Variants in UBAC1 observed in about 807,000 individuals in gnomAD.
The protein encoded by UBAC1 is UBA domain containing 1.
A neutral mutation model predicts 45.9 loss-of-function variants in UBAC1; 27 were observed. That is an observed-to-expected ratio of 0.59 (90% confidence interval 0.43 to 0.81). The LOEUF is 0.81. Ranked by LOEUF, UBAC1 falls within the 30% of genes least tolerant of loss-of-function variation. UBAC1 has a pLI of 0.00. For missense variants in UBAC1, 529 were observed against 539.2 expected, an observed-to-expected ratio of 0.98 and a Z score of 0.19; for synonymous variants, 227 against 215.5, an observed-to-expected ratio of 1.05 and a Z score of -0.47.
intron 9 of UBAC1, among the ~76,000 whole-genome samples, chr9:135,935,309 T>A (rs1839190264): frequency 2.6e-5 from 4 of 152,162 alleles, no homozygotes. Context: ...GTGCCTAATA[T>A]CCAAGAAGCT....
chr9:135,952,546 C>T (rs886192143), intron 3 of UBAC1, among the ~76,000 whole-genome samples: 13 of 152,208 alleles, frequency 8.5e-5, no homozygotes, highest in Non-Finnish European at 1.8e-4. Flanking sequence ...ACACACTGCA[C>T]GGTGTTCCTA....
At chr9:135,943,490 C>T (rs1331435247) in intron 7 of UBAC1, among the ~76,000 whole-genome samples, 1 of 152,186 alleles carries the variant, frequency 6.6e-6, no homozygotes. Context: ...GAAATAGGAA[C>T]GCTTTTACAT....
chr9:135,952,729 A>G (rs930766344), intron 3 of UBAC1, among the ~76,000 whole-genome samples: 1 of 152,276 alleles, frequency 6.6e-6, no homozygotes, highest in South Asian at 2.1e-4. Context: ...GCCCGGGACC[A>G]GAACTGTTTC....
intron 9 of UBAC1, among the ~76,000 whole-genome samples, chr9:135,934,031 A>G (rs553046326): frequency 1.3e-5 from 2 of 152,388 alleles, no homozygotes; most frequent in East Asian, 1.9e-4. Flanking sequence ...TAACAGCTTT[A>G]CAAAACTGTT....
Position 135,945,991 on chromosome 9 carries a change from A to C in UBAC1, c.551T>G (p.Leu184Arg). 1 of 1,613,650 alleles carries C rather than the reference A, an allele frequency of 6.2e-7. No homozygotes were observed. The highest frequency in any genetic ancestry group is 8.5e-7 in the Non-Finnish European group (1 of 1,179,990). Residue 184 changes from leucine to arginine, a missense_variant, in exon 6 of 10, where the codon CTG (leucine) becomes CGG (arginine). Transcript: ENST00000371756. ...VELFKKANAM[L>R]DEDEDERVDE... Reference sequence around the variant, plus strand: ...CACACGCTCATCCTCGTCCTCGTCCAGCATTGCTGCAGGGAGACGACAGGG... The same window carrying C: ...CACACGCTCATCCTCGTCCTCGTCCCGCATTGCTGCAGGGAGACGACAGGG...
At chr9:135,954,795 A>C (rs181939743) in intron 2 of UBAC1, among the ~76,000 whole-genome samples, 1 of 152,236 alleles carries the variant, frequency 6.6e-6, no homozygotes, top group Non-Finnish European at 1.5e-5. Flanking sequence ...ATCTCAGCGG[A>C]TATCTGTTAG....
chr9:135,955,184 G>T (rs537346361), intron 2 of UBAC1, 111 bp downstream of exon 2: 1 of 1,144,902 alleles, frequency 8.7e-7, no homozygotes, highest in African/African-American at 1.6e-5. Flanking sequence ...TTTTGTGCTC[G>T]TGTCCAGCTC....
intron 4 of UBAC1, chr9:135,947,555 G>T (rs956639766): frequency 9.3e-6 from 4 of 431,388 alleles, no homozygotes; most frequent in Non-Finnish European, 1.6e-5. Context: ...CCGGATTGAC[G>T]TTTTCCCAGG....
chr9:135,948,177 C>T (rs1588534033), intron 3 of UBAC1: 3 of 382,542 alleles, frequency 7.8e-6, no homozygotes, highest in Non-Finnish European at 1.4e-5. Flanking sequence ...GACAACCACA[C>T]AGGGACCGTG....
chr9:135,961,109 G>A lies in UBAC1; in HGVS notation c.54C>T (p.Ile18=). The A allele has an allele frequency of 6.3e-7, 1 of 1,591,400 alleles. No individual in the cohort carries two copies. The highest frequency in any genetic ancestry group is 8.5e-7 in the Non-Finnish European group (1 of 1,173,704). Reference sequence around the variant, plus strand: ...GCCACTCGGCGCCGTCGGACGCGCAGATGTGCAGCCGCAGCACCTTGCCCG... The same window carrying A: ...GCCACTCGGCGCCGTCGGACGCGCAAATGTGCAGCCGCAGCACCTTGCCCG... ...IFAGKVLRLH[I]CASDGAEWLE... Residue 18 remains isoleucine (I), a synonymous_variant, in exon 1 of 10, where the codon ATC becomes ATT. Coordinates refer to ENST00000371756, the MANE Select transcript of UBAC1 (RefSeq NM_016172.3).
At chr9:135,958,999 T>C (rs142629108) in intron 1 of UBAC1, among the ~76,000 whole-genome samples, 1,651 of 152,326 alleles carry the variant, frequency 0.011, 10 homozygotes, top group Middle Eastern at 0.085. Flanking sequence ...ATCAGGAGTA[T>C]AATAATTAGC....
At chr9:135,951,820 A>G (rs1348613424) in intron 3 of UBAC1, among the ~76,000 whole-genome samples, 26 of 152,106 alleles carry the variant, frequency 1.7e-4, no homozygotes, top group Admixed American at 1.7e-3. Flanking sequence ...CAAAAATAAT[A>G]AAATAATAAT....
At chr9:135,933,576 C>T (rs536127245) in intron 9 of UBAC1, 61 bp from the exon 10 acceptor site, 38 of 1,241,856 alleles carry the variant, frequency 3.1e-5, no homozygotes, top group South Asian at 2.3e-4. Flanking sequence ...CAGGCACAGG[C>T]GTGACTTTCC....
chr9:135,933,619 C>G (rs965683396), intron 9 of UBAC1, 104 bp from the exon 10 acceptor site: 4 of 810,330 alleles, frequency 4.9e-6, no homozygotes, highest in Non-Finnish European at 8.4e-6. Context: ...GAGGGTGCGT[C>G]TCCAATACAA....
rs1839170429 is a variant in UBAC1 at position 135,933,530 on chromosome 9, G to T, written c.1103-15C>A. The T allele has an allele frequency of 6.2e-7, 1 of 1,600,776 alleles. No homozygotes were observed. Among genetic ancestry groups the T allele is most frequent in the African/African-American group, 1.3e-5 (1 of 74,644 alleles). Reference sequence around the variant, plus strand: ...GTCTTCAAATGCTGCAGGGAAAACAGAGCCAGCCTGAGTGCCCACGCCCCC... The same window carrying T: ...GTCTTCAAATGCTGCAGGGAAAACATAGCCAGCCTGAGTGCCCACGCCCCC... On this transcript the variant is annotated splice_polypyrimidine_tract_variant and intron_variant, in intron 9 of 9. Transcript: ENST00000371756.
Position 135,933,585 on chromosome 9 carries a change from C to A in UBAC1, c.1103-70G>T. The A allele has an allele frequency of 3.5e-6, 4 of 1,129,294 alleles. No homozygotes were observed. In the South Asian group the frequency reaches 5.0e-5, roughly 14 times the overall value. The allele number at this position is 1,129,294 out of a possible 1,614,324, so 70.0% of individuals were successfully genotyped here. A position where few individuals can be genotyped will look rare whatever the true frequency, so the allele number is the denominator to read the frequency against. On this transcript the variant is annotated intron_variant, in intron 9 of 9. Coordinates refer to ENST00000371756, the MANE Select transcript of UBAC1 (RefSeq NM_016172.3). Reference sequence around the variant, plus strand: ...AGCCCACAGGCACAGGCGTGACTTTCCTCTTCGGCAGCTTCCTAATGAAGA... The same window carrying A: ...AGCCCACAGGCACAGGCGTGACTTTACTCTTCGGCAGCTTCCTAATGAAGA...
chr9:135,950,882 C>G (rs1190004171), intron 3 of UBAC1, among the ~76,000 whole-genome samples: 1 of 152,188 alleles, frequency 6.6e-6, no homozygotes, highest in African/African-American at 2.4e-5. Flanking sequence ...CACCTGAGCC[C>G]AGGAGTTCAA....
intron 1 of UBAC1, among the ~76,000 whole-genome samples, chr9:135,955,696 C>T (rs1388075619): frequency 1.3e-5 from 2 of 152,248 alleles, no homozygotes; most frequent in African/African-American, 4.8e-5. Context: ...AGAATTGCTT[C>T]TTTGGTCTAG....
At chr9:135,950,568 T>C (rs1038606032) in intron 3 of UBAC1, among the ~76,000 whole-genome samples, 4 of 149,866 alleles carry the variant, frequency 2.7e-5, no homozygotes, top group Admixed American at 2.6e-4. Flanking sequence ...GTAAGAAGGA[T>C]AGATAATCTT....
Sources: allele counts gnomAD v4.1 joint callset (sites outside exome capture counted in the v4.1 genomes callset), GRCh38; gene constraint gnomAD v4.1.1; transcripts MANE v1.5; gene names NCBI Gene and HGNC (gene_info 2026-07-23, HGNC 2026-07-21).